The following RNF6 variants were observed in gnomAD, a reference collection of about 807,000 sequenced individuals.
RNF6 encodes E3 ubiquitin-protein ligase RNF6.
In RNF6, 21 loss-of-function variants were observed where a neutral mutation model predicts 50.1. That is an observed-to-expected ratio of 0.42 (90% CI 0.30 to 0.60). RNF6 has a LOEUF of 0.60. Among genes scored for constraint, RNF6 ranks in the 20% least tolerant of loss-of-function variants. RNF6 has a pLI of 0.20. For missense variants in RNF6, 698 were observed against 838.2 expected (o/e 0.83, Z 2.07); for synonymous variants, 255 against 291.8 (o/e 0.87, Z 1.29).
chr13:26,159,166 TGTGA>T (rs1225158723), intron 5 of RNF6, among the ~76,000 whole-genome samples: 1 of 152,120 alleles, frequency 6.6e-6, no homozygotes, highest in African/African-American at 2.4e-5. Context: ...GTGTAAACAT[TGTGA>T]GTTTTAGATA....
chr13:26,220,778 AAAT>A (rs1870401189), intron 2 of RNF6, among the ~76,000 whole-genome samples: 1 of 152,230 alleles, frequency 6.6e-6, no homozygotes, highest in Non-Finnish European at 1.5e-5. Context: ...CTGGAGGCTC[AAAT>A]GGCTAGGCTA....
intron 5 of RNF6, among the ~76,000 whole-genome samples, chr13:26,175,012 C>CAGGT (rs1298153802): frequency 1.3e-5 from 2 of 152,226 alleles, no homozygotes; most frequent in African/African-American, 4.8e-5. Flanking sequence ...GGGACACAAT[C>CAGGT]AGGTGCCTCT....
chr13:26,198,021 T>C (rs1034310643), intron 5 of RNF6, among the ~76,000 whole-genome samples: 4 of 151,578 alleles, frequency 2.6e-5, no homozygotes, highest in African/African-American at 9.7e-5. Flanking sequence ...ATTAAAAATA[T>C]AAAATATCAA....
chr13:26,152,341 G>C (rs1566410577), intron 5 of RNF6, among the ~76,000 whole-genome samples: 1 of 152,144 alleles, frequency 6.6e-6, no homozygotes, highest in Non-Finnish European at 1.5e-5. Flanking sequence ...CTCACGCTGC[G>C]CGCTGTGCCC....
At chr13:26,208,147 G>T (rs1450624199), downstream of RNF6, among the ~76,000 whole-genome samples, 1 of 152,210 alleles carries the variant, frequency 6.6e-6, no homozygotes, top group African/African-American at 2.4e-5. Context: ...CCCTAGAAAG[G>T]CTTGTTTGCA....
rs375703892 is a variant in RNF6, at chr13:26,214,851, C to A, written c.1031G>T (p.Arg344Ile). Residue 344 changes from arginine (R) to isoleucine (I), a missense_variant, in exon 5 of 5, where the codon AGA (arginine) becomes ATA (isoleucine). Physicochemically the swap from Arg to Ile is moderately conservative, Grantham distance 97. Coordinates refer to ENST00000381588, the MANE Select transcript of RNF6 (RefSeq NM_005977.4). Reference sequence around the variant, plus strand: ...CTCTAAAAAGACTCGAGTTCTACCTCTCCTCCTAACAGATCTTCTAGTGGT... The same window carrying A: ...CTCTAAAAAGACTCGAGTTCTACCTATCCTCCTAACAGATCTTCTAGTGGT... ...QQTTRRSVRRRGRTRVFLEQD... is the reference protein window; with the variant it reads ...QQTTRRSVRRIGRTRVFLEQD... The A allele has an allele frequency of 1.2e-6, 2 of 1,614,250 alleles. No individual in the cohort carries two copies. Among genetic ancestry groups the A allele is most frequent in the Middle Eastern group, 3.3e-4 (2 of 6,062 alleles).
In RNF6 at chr13:26,146,886, C is replaced by T. The variant is rs968624909; in HGVS notation, n.769-14435G>A. Among the ~76,000 whole-genome samples the T allele has an allele frequency of 4.6e-5, 7 of 152,274 alleles. No homozygotes were observed. The South Asian group carries it at 1.2e-3, about 27-fold the overall frequency. ...TAGGTGACTGAATCATGGGGGCAGA[C>T]ATCCCCCTTGCTGTTCTCATGATAG... On this transcript the variant is annotated intron_variant and non_coding_transcript_variant, in intron 5 of 5. Transcript: ENST00000468480.
intron 5 of RNF6, among the ~76,000 whole-genome samples, chr13:26,197,972 A>C (rs1440865066): frequency 2.6e-5 from 4 of 151,926 alleles, no homozygotes; most frequent in Admixed American, 6.6e-5. Context: ...TGAAAGAGGA[A>C]ATCATAAGAT....
intron 4 of RNF6, 41 bp downstream of exon 4, chr13:26,218,470 T>G: frequency 6.8e-7 from 1 of 1,476,796 alleles, no homozygotes; most frequent in Non-Finnish European, 9.5e-7. Flanking sequence ...CTGCAAGTGC[T>G]CCAATCAAGC....
chr13:26,136,814 T>TA (rs1280050556), intron 5 of RNF6, among the ~76,000 whole-genome samples: 1 of 151,926 alleles, frequency 6.6e-6, no homozygotes. Flanking sequence ...CTTTCCTCTA[T>TA]AAAAAACACA....
At chr13:26,216,985 C>T (rs1290712603) in intron 4 of RNF6, among the ~76,000 whole-genome samples, 1 of 152,070 alleles carries the variant, frequency 6.6e-6, no homozygotes, top group Non-Finnish European at 1.5e-5. Context: ...AATAAAATAG[C>T]TATTATATGA....
intron 5 of RNF6, among the ~76,000 whole-genome samples, chr13:26,150,101 A>T (rs1051907234): frequency 6.7e-6 from 1 of 149,720 alleles, no homozygotes; most frequent in African/African-American, 2.5e-5. Context: ...GAGAGAGTAT[A>T]GTGTGTCTGG....
chr13:26,218,709 C>T (rs1269120857), intron 3 of RNF6, 103 bp from the exon 4 acceptor site: 3 of 800,834 alleles, frequency 3.7e-6, no homozygotes, highest in Admixed American at 2.1e-5. Flanking sequence ...AGACAAATGT[C>T]TTATTACTTT....
In RNF6 at chr13:26,214,414, C is replaced by A. The variant is rs745815474; in HGVS notation, c.1468G>T (p.Gly490Trp). 6.2e-7 allele frequency: 1 copy of A among 1,614,136 alleles called. No individual in the cohort carries two copies. Among genetic ancestry groups the A allele is most frequent in the Non-Finnish European group, 8.5e-7 (1 of 1,180,030 alleles). ...LRSILRQIMT[G>W]FGELSSLMEA... ...ATTAGAGAACTCAGTTCTCCAAACCCAGTCATGATCTGCCTTAAAATTGAC... is the reference window on the plus strand; with the variant it reads ...ATTAGAGAACTCAGTTCTCCAAACCAAGTCATGATCTGCCTTAAAATTGAC... The change falls in exon 5 of 5, where the codon GGG becomes TGG. Residue 490 changes from glycine to tryptophan, a missense_variant. Physicochemically the swap from Gly to Trp is radical, Grantham distance 184 (BLOSUM62 -2). Transcript: ENST00000381588.
At position 26,151,823 on chromosome 13, in the gene RNF6, C is replaced by T. The variant is rs542506549; in HGVS notation, n.769-19372G>A. Among the ~76,000 whole-genome samples the T allele has an allele frequency of 2.0e-5, 3 of 152,278 alleles. No individual in the cohort carries two copies. The South Asian group carries it at 6.2e-4, about 32-fold the overall frequency. On this transcript the variant is annotated intron_variant and non_coding_transcript_variant, in intron 5 of 5. Transcript: ENST00000468480. ...AGGGGGGAAATTTTAGGATCGCTTA[C>T]GCGCTCAATGAACTGCCTTTGAAAC...
At chr13:26,155,197 A>G (rs1275825442) in intron 5 of RNF6, among the ~76,000 whole-genome samples, 1 of 152,082 alleles carries the variant, frequency 6.6e-6, no homozygotes. Context: ...TGACCCCAGG[A>G]GTTGAAGGCT....
intron 5 of RNF6, among the ~76,000 whole-genome samples, chr13:26,141,589 C>A (rs1372785875): frequency 1.3e-5 from 2 of 152,112 alleles, no homozygotes; most frequent in South Asian, 2.1e-4. Flanking sequence ...TATCGACAAC[C>A]AATTGATAGT....
chr13:26,203,432 G>A (rs1868971129), intron 5 of RNF6, among the ~76,000 whole-genome samples: 1 of 152,230 alleles, frequency 6.6e-6, no homozygotes, highest in African/African-American at 2.4e-5. Flanking sequence ...AATGTGCTAA[G>A]GATGTTAAAT....
At position 26,151,621 on chromosome 13, in the gene RNF6, C is replaced by CCTTT. The variant is rs1555315043; in HGVS notation, n.769-19171_769-19170insAAAG. Among the ~76,000 whole-genome samples the CCTTT allele has an allele frequency of 2.5e-3, 344 of 139,582 alleles. 4 individuals carry two copies. Among genetic ancestry groups the CCTTT allele is most frequent in the African/African-American group, 8.7e-3 (332 of 38,214 alleles). 91.6% of individuals were successfully genotyped at this position (139,582 alleles called of 152,430 possible). ...CCTTTTCTCCTTTTTTTCTTTTTTTCTTTTTTTTTTTTTGGCAGAGGAGAC... is the reference window on the plus strand; with the variant it reads ...CCTTTTCTCCTTTTTTTCTTTTTTTCCTTTTTTTTTTTTTTTTGGCAGAGGAGAC... On this transcript the variant is annotated intron_variant and non_coding_transcript_variant, in intron 5 of 5. Transcript: ENST00000468480.
Sources: gnomAD v4.1 joint callset for allele counts (sites outside exome capture counted in the v4.1 genomes callset) on GRCh38, gnomAD v4.1.1 for gene constraint, MANE v1.5 for transcripts, NCBI Gene and HGNC (gene_info 2026-07-23, HGNC 2026-07-21) for gene names.